Variants in LRRC7 observed in about 807,000 individuals in gnomAD.
LRRC7 encodes the protein leucine rich repeat containing 7.
In LRRC7, 23 loss-of-function variants were observed where a neutral mutation model predicts 175.7. The ratio of observed to expected loss-of-function variants is 0.13; its 90% confidence interval spans 0.09 to 0.19. The LOEUF (loss-of-function observed/expected upper bound fraction) is 0.19. LRRC7 is among the 10% of genes least tolerant of loss of function. The pLI, the probability that LRRC7 is intolerant of heterozygous loss-of-function variation, is 1.00. For synonymous variants in LRRC7, 685 were observed against 680.9 expected, an observed-to-expected ratio of 1.01 and a Z score of -0.09; for missense variants, 1,354 against 1,904.7, an observed-to-expected ratio of 0.71 and a Z score of 5.38.
intron 1 of LRRC7, among the ~76,000 whole-genome samples, chr1:69,594,745 T>C (rs1453023409): frequency 6.6e-6 from 1 of 152,170 alleles, no homozygotes; most frequent in Non-Finnish European, 1.5e-5. Flanking sequence ...CCACTCATAT[T>C]TTTCCCCTCC....
chr1:70,100,815 T>C (rs1664753036), intron 25 of LRRC7, among the ~76,000 whole-genome samples: 1 of 152,120 alleles, frequency 6.6e-6, no homozygotes, highest in South Asian at 2.1e-4. Context: ...TTCTCCTCTC[T>C]CTTAACTTCT....
chr1:70,096,220 G>T (rs184608583), intron 25 of LRRC7, among the ~76,000 whole-genome samples: 1 of 152,108 alleles, frequency 6.6e-6, no homozygotes. Context: ...CAGGTGATCC[G>T]CCTGCCGCGG....
rs566520403 is a variant in LRRC7 at position 69,576,315 on chromosome 1, A to T, written c.2+7674A>T. ...TCTGGTTAAACATCTGTTATGACTT[A>T]GTTCTTCTGTTACAAGACAAATTTG... is the stretch of plus-strand genomic sequence containing the variant. On this transcript the variant is annotated intron_variant, in intron 1 of 26. Coordinates refer to ENST00000651989, the MANE Select transcript of LRRC7 (RefSeq NM_001370785.2). Among the ~76,000 whole-genome samples, 3 of 152,074 alleles carry T rather than the reference A, an allele frequency of 2.0e-5. No homozygotes were observed. The East Asian group carries it at 5.8e-4, about 29-fold the overall frequency.
chr1:69,613,345 TC>T (rs1230107999), intron 1 of LRRC7, among the ~76,000 whole-genome samples: 2 of 152,056 alleles, frequency 1.3e-5, no homozygotes, highest in African/African-American at 4.8e-5. Flanking sequence ...GAGGGCTCTA[TC>T]CTATGACCTA....
At chr1:69,906,130 G>T (rs568518658) in intron 7 of LRRC7, among the ~76,000 whole-genome samples, 22 of 152,084 alleles carry the variant, frequency 1.4e-4, no homozygotes, top group South Asian at 2.1e-4. Context: ...GTAAATTTGT[G>T]TGAGTTCATT....
chr1:70,021,108 C>T lies in LRRC7; in HGVS notation c.1524C>T (p.Asp508=), dbSNP rs145241026. 919 of 1,611,702 alleles carry T rather than the reference C, an allele frequency of 5.7e-4. 9 individuals are homozygous for T. In the East Asian group the frequency reaches 0.017, roughly 30 times the overall value. ...AATTTGAAGACAAAAAAGAAGATGA[C>T]GAAAATGCTGGGAAAGTTAAGGTGA... The part of the protein sequence containing the change: ...AFEFEDKKED[D]ENAGKVKDLS... The change falls in exon 16 of 27, where the codon GAC becomes GAT. Residue 508 remains aspartate (D), a synonymous_variant. Coordinates refer to ENST00000651989, the MANE Select transcript of LRRC7 (RefSeq NM_001370785.2).
intron 1 of LRRC7, among the ~76,000 whole-genome samples, chr1:69,626,568 GATT>G (rs1553128180): frequency 6.6e-6 from 1 of 151,438 alleles, no homozygotes; most frequent in Non-Finnish European, 1.5e-5. Flanking sequence ...ATTTTATTAT[GATT>G]ATTATTATTA....
chr1:69,714,433 A>G (rs1023049516), intron 2 of LRRC7, among the ~76,000 whole-genome samples: 21 of 152,006 alleles, frequency 1.4e-4, no homozygotes, highest in Admixed American at 6.6e-5. Flanking sequence ...AAACATAAAT[A>G]ATTAGAATCT....
At chr1:69,908,141 T>G (rs1557875035) in intron 7 of LRRC7, among the ~76,000 whole-genome samples, 2 of 152,196 alleles carry the variant, frequency 1.3e-5, no homozygotes, top group South Asian at 4.1e-4. Flanking sequence ...GTCTATTTCA[T>G]TCTTCTCTCT....
chr1:69,950,678 C>T (rs1649821913), intron 8 of LRRC7, among the ~76,000 whole-genome samples: 1 of 151,782 alleles, frequency 6.6e-6, no homozygotes, highest in South Asian at 2.1e-4. Flanking sequence ...TTAATAGAAA[C>T]AGACGGAAAC....
At chr1:69,660,813 G>A (rs116652946) in intron 1 of LRRC7, among the ~76,000 whole-genome samples, 1 of 152,064 alleles carries the variant, frequency 6.6e-6, no homozygotes, top group Admixed American at 6.6e-5. Context: ...TCCTTGGAGT[G>A]TTGGAGGCAG....
intron 11 of LRRC7, among the ~76,000 whole-genome samples, chr1:69,996,875 A>G (rs926535456): frequency 2.2e-4 from 34 of 152,102 alleles, no homozygotes; most frequent in South Asian, 6.2e-4. Flanking sequence ...TTGACTTGGC[A>G]ATGCGGGCTC....
At chr1:70,108,527 A>G (rs1007465261) in intron 26 of LRRC7, among the ~76,000 whole-genome samples, 6 of 152,170 alleles carry the variant, frequency 3.9e-5, no homozygotes, top group African/African-American at 1.4e-4. Context: ...CTTCCTATAT[A>G]AGAGGTGCAT....
intron 7 of LRRC7, among the ~76,000 whole-genome samples, chr1:69,916,093 C>A (rs1317862795): frequency 1.5e-5 from 2 of 134,494 alleles, no homozygotes; most frequent in African/African-American, 2.8e-5. Flanking sequence ...ATATTATATA[C>A]ATATTTTATA....
intron 26 of LRRC7, 131 bp from the exon 27 acceptor site, chr1:70,121,649 C>T (rs755334175): frequency 2.0e-5 from 12 of 599,836 alleles, no homozygotes; most frequent in South Asian, 4.8e-5. Flanking sequence ...TCCATAATTG[C>T]GATTCCATTG....
intron 8 of LRRC7, among the ~76,000 whole-genome samples, chr1:69,941,950 G>A (rs1402806896): frequency 2.0e-5 from 3 of 152,156 alleles, no homozygotes; most frequent in Non-Finnish European, 1.5e-5. Context: ...GATATGCCTT[G>A]CAGAATTTTA....
chr1:69,779,788 C>T (rs1673274287), intron 3 of LRRC7, among the ~76,000 whole-genome samples: 1 of 152,208 alleles, frequency 6.6e-6, no homozygotes, highest in Admixed American at 6.5e-5. Flanking sequence ...CTCTGCAGCA[C>T]ATTCAGCATT....
chr1:69,696,209 C>G (rs979034790), intron 2 of LRRC7, among the ~76,000 whole-genome samples: 1 of 152,210 alleles, frequency 6.6e-6, no homozygotes, highest in Non-Finnish European at 1.5e-5. Flanking sequence ...GCCTGCCCAG[C>G]ACAACAGTGT....
intron 15 of LRRC7, among the ~76,000 whole-genome samples, chr1:70,020,048 T>C (rs993453995): frequency 1.3e-5 from 2 of 152,006 alleles, no homozygotes; most frequent in Admixed American, 6.6e-5. Context: ...GGAATTAGCC[T>C]AGCTGAGTTT....
Sources: allele counts gnomAD v4.1 joint callset (sites outside exome capture counted in the v4.1 genomes callset), GRCh38; gene constraint gnomAD v4.1.1; transcripts MANE v1.5; gene names NCBI Gene and HGNC (gene_info 2026-07-23, HGNC 2026-07-21).